KCNE1: variants seen among roughly 807,000 people sequenced by gnomAD.
KCNE1 encodes potassium voltage-gated channel subfamily E member 1.
Under a neutral mutation model 2.9 loss-of-function variants are expected in KCNE1, and 1 was observed. The observed-to-expected ratio is 0.34, with a 90% CI of 0.12 to 1.62. The LOEUF (loss-of-function observed/expected upper bound fraction) is 1.62, where lower values mean the gene tolerates loss of function less well. Ranked by LOEUF, KCNE1 falls within the 40% of genes most tolerant of loss-of-function variation. The pLI, the probability that KCNE1 is intolerant of heterozygous loss-of-function variation, is 0.36. For synonymous variants in KCNE1, 23 were observed against 65.4 expected, an observed-to-expected ratio of 0.35 and a Z score of 3.13; for missense variants, 45 against 150.5, an observed-to-expected ratio of 0.30 and a Z score of 3.67.
At position 34,503,308 on chromosome 21, in the gene KCNE1, C is replaced by T. The variant is rs186242355; in HGVS notation, c.-162+7793G>A. ...ACATTACAAAGGGTAAAATAAACAG[C>T]CAGCTGAAAGGGAGGCACAGGATGA... On this transcript the variant is annotated intron_variant, in intron 2 of 3. Transcript: ENST00000399286. Among the ~76,000 whole-genome samples the T allele has an allele frequency of 2.9e-4, 44 of 152,262 alleles. 1 individual carries two copies. The highest frequency in any genetic ancestry group is 2.7e-3 in the Admixed American group (41 of 15,294).
intron 2 of KCNE1, among the ~76,000 whole-genome samples, chr21:34,503,196 C>A (rs763552043): frequency 2.6e-5 from 4 of 152,148 alleles, no homozygotes; most frequent in African/African-American, 4.8e-5. Context: ...GTTCCTACAA[C>A]CCCCTCCTTG....
At chr21:34,496,694 T>A (rs548110021) in intron 2 of KCNE1, among the ~76,000 whole-genome samples, 1 of 152,186 alleles carries the variant, frequency 6.6e-6, no homozygotes, top group Non-Finnish European at 1.5e-5. Flanking sequence ...TAGGGTATAG[T>A]TTAAGTTCAT....
intron 2 of KCNE1, among the ~76,000 whole-genome samples, chr21:34,497,466 C>A (rs745338680): frequency 1.3e-5 from 2 of 152,120 alleles, no homozygotes; most frequent in African/African-American, 2.4e-5. Flanking sequence ...ATACAAAATT[C>A]TTGGTTAACA....
intron 2 of KCNE1, among the ~76,000 whole-genome samples, chr21:34,503,402 T>G (rs1276527848): frequency 6.6e-6 from 1 of 152,204 alleles, no homozygotes; most frequent in African/African-American, 2.4e-5. Flanking sequence ...CTCCACATGT[T>G]CAGCTGTCCA....
chr21:34,495,889 A>G (rs1190768689), intron 2 of KCNE1, among the ~76,000 whole-genome samples: 1 of 151,864 alleles, frequency 6.6e-6, no homozygotes, highest in Admixed American at 6.6e-5. Flanking sequence ...TAGTTCTGCT[A>G]TGATCTTTGT....
At chr21:34,502,427 T>G (rs1983220621) in intron 2 of KCNE1, among the ~76,000 whole-genome samples, 1 of 152,282 alleles carries the variant, frequency 6.6e-6, no homozygotes, top group Admixed American at 6.5e-5. Flanking sequence ...TCACCCAGCT[T>G]TTTAGTTTCT....
intron 2 of KCNE1, among the ~76,000 whole-genome samples, chr21:34,504,178 A>G (rs1252552732): frequency 6.6e-6 from 1 of 151,428 alleles, no homozygotes. Context: ...GAGGGAGAAC[A>G]CTTTGGACTC....
intron 2 of KCNE1, among the ~76,000 whole-genome samples, chr21:34,503,837 T>C (rs1294445256): frequency 6.6e-6 from 1 of 152,216 alleles, no homozygotes; most frequent in East Asian, 1.9e-4. Flanking sequence ...GGTAGGCTGT[T>C]TGGGGGTCCA....
At chr21:34,495,759 C>A (rs1982767526) in intron 2 of KCNE1, among the ~76,000 whole-genome samples, 1 of 152,008 alleles carries the variant, frequency 6.6e-6, no homozygotes, top group Non-Finnish European at 1.5e-5. Context: ...TTATTTGGAT[C>A]TTCTCTCTCC....
chr21:34,502,343 T>A (rs1983216360), intron 2 of KCNE1, among the ~76,000 whole-genome samples: 1 of 152,222 alleles, frequency 6.6e-6, no homozygotes, highest in African/African-American at 2.4e-5. Flanking sequence ...GTTCAGAGAA[T>A]GAGTGAATAA....
chr21:34,500,649 T>C (rs1392520018), intron 2 of KCNE1, among the ~76,000 whole-genome samples: 1 of 152,274 alleles, frequency 6.6e-6, no homozygotes, highest in Non-Finnish European at 1.5e-5. Context: ...TTTTGGCTTA[T>C]CTTTCCAGTG....
chr21:34,504,539 A>T (rs1049841688), intron 2 of KCNE1, among the ~76,000 whole-genome samples: 2 of 152,154 alleles, frequency 1.3e-5, no homozygotes, highest in African/African-American at 4.8e-5. Flanking sequence ...CTATCACAGG[A>T]CTCAGCAATT....
At chr21:34,502,766 A>C (rs1041559748) in intron 2 of KCNE1, among the ~76,000 whole-genome samples, 5 of 152,368 alleles carry the variant, frequency 3.3e-5, no homozygotes, top group East Asian at 1.9e-4. Context: ...AACTGGCCTG[A>C]GCCTGTAATT....
chr21:34,495,821 A>C (rs1328257181), intron 2 of KCNE1, among the ~76,000 whole-genome samples: 4 of 152,018 alleles, frequency 2.6e-5, no homozygotes, highest in African/African-American at 9.7e-5. Context: ...ATCTTTTCAA[A>C]GAATCATCTT....
chr21:34,496,675 C>T (rs529630935), intron 2 of KCNE1, among the ~76,000 whole-genome samples: 23 of 152,196 alleles, frequency 1.5e-4, no homozygotes, highest in Admixed American at 3.9e-4. Context: ...CTGTTAAGTC[C>T]ATTTGTTCTA....
rs113407110 is a variant in KCNE1 at position 34,481,467 on chromosome 21, A to C, written c.-161-22703T>G. Among the ~76,000 whole-genome samples, 6 of 8,664 alleles carry C rather than the reference A, an allele frequency of 6.9e-4. 1 individual carries two copies. Among genetic ancestry groups the C allele is most frequent in the African/African-American group, 5.8e-3 (6 of 1,034 alleles). 5.7% of individuals were successfully genotyped at this position (8,664 alleles called of 152,430 possible). ...CCGCAGTCCGGCCTGGGTGACAGAG[A>C]GAGACTCCGTCTCAAAAAAAAAAAA... On this transcript the variant is annotated intron_variant, in intron 2 of 3. Coordinates refer to ENST00000399286, the MANE Select transcript of KCNE1 (RefSeq NM_000219.6).
intron 2 of KCNE1, 120 bp downstream of exon 2, chr21:34,510,981 C>A (rs946389225): frequency 4.5e-6 from 1 of 224,162 alleles, no homozygotes; most frequent in African/African-American, 2.3e-5. Flanking sequence ...AGGCCCAGGA[C>A]AGCCTGGCAC....
rs140661814 is a variant in KCNE1, at chr21:34,508,173, C to T, written c.-162+2928G>A. 5.5e-3 allele frequency among the ~76,000 whole-genome samples: 822 copies of T among 150,758 alleles called. 2 individuals carry two copies. The highest frequency in any genetic ancestry group is 8.5e-3 in the Admixed American group (129 of 15,158). On this transcript the variant is annotated intron_variant, in intron 2 of 3. Transcript: ENST00000399286. ...TCCAGATTAGCTGGGACTATAGGTG[C>T]ATGCCACCACTCCTAGCTTTTTTTT...
At chr21:34,509,827 G>A (rs1401882952) in intron 2 of KCNE1, 10 of 152,124 alleles carry the variant, frequency 6.6e-5, no homozygotes, top group Admixed American at 6.5e-4. Flanking sequence ...CTTGTGTCAT[G>A]GGGGTTTGTT....
Sources: gnomAD v4.1 joint callset for allele counts (sites outside exome capture counted in the v4.1 genomes callset) on GRCh38, gnomAD v4.1.1 for gene constraint, MANE v1.5 for transcripts, NCBI Gene and HGNC (gene_info 2026-07-23, HGNC 2026-07-21) for gene names.